The following ZEB1 variants were observed in gnomAD, a reference collection of about 807,000 sequenced individuals.
The protein encoded by ZEB1 is zinc finger E-box-binding homeobox 1.
In ZEB1, 21 loss-of-function variants were observed where a neutral mutation model predicts 84.9. The ratio of observed to expected loss-of-function variants is 0.25; its 90% CI spans 0.18 to 0.36. The LOEUF is 0.36. Ranked by LOEUF, ZEB1 falls within the 10% of genes least tolerant of loss-of-function variation. ZEB1 has a pLI of 1.00. For missense variants in ZEB1, 1,104 were observed against 1,330.2 expected (o/e 0.83, Z 2.65); for synonymous variants, 420 against 471.1 (o/e 0.89, Z 1.41).
intron 1 of ZEB1, chr10:31,363,058 G>C (rs776944122): frequency 3.3e-6 from 5 of 1,533,776 alleles, no homozygotes; most frequent in Non-Finnish European, 4.4e-6. Context: ...CAGCTGCAGC[G>C]GTGGCCCCGA....
At chr10:31,329,903 TTTA>T (rs1222417751) in intron 1 of ZEB1, among the ~76,000 whole-genome samples, 1 of 152,186 alleles carries the variant, frequency 6.6e-6, no homozygotes, top group Non-Finnish European at 1.5e-5. Context: ...TGTTTGTCTT[TTTA>T]TTATTCAGTT....
chr10:31,407,770 A>C (rs1214831651), intron 1 of ZEB1, among the ~76,000 whole-genome samples: 1 of 151,530 alleles, frequency 6.6e-6, no homozygotes, highest in African/African-American at 2.4e-5. Context: ...ATCTATGACA[A>C]ACCCACAGCC....
intron 1 of ZEB1, among the ~76,000 whole-genome samples, chr10:31,437,316 T>G (rs2058410166): frequency 6.6e-6 from 1 of 152,224 alleles, no homozygotes; most frequent in African/African-American, 2.4e-5. Flanking sequence ...GACTAGATAT[T>G]AAATGTCTTC....
chr10:31,465,846 A>G (rs1454726159), intron 2 of ZEB1, among the ~76,000 whole-genome samples: 1 of 152,032 alleles, frequency 6.6e-6, no homozygotes, highest in African/African-American at 2.4e-5. Context: ...CTTTAAATGC[A>G]TTTTTTAAAA....
chr10:31,455,985 T>C (rs2061168604), intron 1 of ZEB1, among the ~76,000 whole-genome samples: 1 of 152,154 alleles, frequency 6.6e-6, no homozygotes, highest in African/African-American at 2.4e-5. Context: ...CTATTTACAA[T>C]AGCAAAGACT....
intron 1 of ZEB1, among the ~76,000 whole-genome samples, chr10:31,371,073 A>G (rs947450495): frequency 2.0e-5 from 3 of 152,182 alleles, no homozygotes; most frequent in Admixed American, 6.5e-5. Context: ...TTATATAAAA[A>G]CACAAGTCAC....
chr10:31,436,819 A>G (rs747926604), intron 1 of ZEB1, among the ~76,000 whole-genome samples: 13 of 152,130 alleles, frequency 8.5e-5, no homozygotes, highest in Non-Finnish European at 1.8e-4. Context: ...ATTTTTATAT[A>G]TGGTATTAAA....
chr10:31,367,578 G>A (rs1466641528), intron 1 of ZEB1, among the ~76,000 whole-genome samples: 2 of 152,150 alleles, frequency 1.3e-5, no homozygotes, highest in African/African-American at 4.8e-5. Flanking sequence ...AGAAACTGTG[G>A]CAGATATAAA....
At chr10:31,331,192 T>G (rs143509491) in intron 1 of ZEB1, among the ~76,000 whole-genome samples, 3,120 of 149,702 alleles carry the variant, frequency 0.021, 112 homozygotes, top group African/African-American at 0.072. Flanking sequence ...GTTCAAGTGA[T>G]TCTCCTGCCT....
chr10:31,342,743 T>G (rs2039626165), intron 1 of ZEB1, among the ~76,000 whole-genome samples: 1 of 152,156 alleles, frequency 6.6e-6, no homozygotes, highest in African/African-American at 2.4e-5. Context: ...TCTGGTTTGC[T>G]GAAAAGACAG....
intron 1 of ZEB1, among the ~76,000 whole-genome samples, chr10:31,411,813 A>T (rs1165234882): frequency 6.6e-6 from 1 of 152,046 alleles, no homozygotes; most frequent in Non-Finnish European, 1.5e-5. Flanking sequence ...GCACAATCCA[A>T]CTAAAACCAA....
At chr10:31,525,892 T>C (rs1256604963) in intron 8 of ZEB1, among the ~76,000 whole-genome samples, 1 of 152,166 alleles carries the variant, frequency 6.6e-6, no homozygotes, top group Non-Finnish European at 1.5e-5. Context: ...TTAGCAAATA[T>C]CAAAGTGAAA....
At chr10:31,404,805 A>G (rs1590899737) in intron 1 of ZEB1, among the ~76,000 whole-genome samples, 1 of 152,098 alleles carries the variant, frequency 6.6e-6, no homozygotes, top group Non-Finnish European at 1.5e-5. Flanking sequence ...GGTGGCTAAG[A>G]TAGAGAAGGC....
At chr10:31,451,116 A>T (rs1040392620) in intron 1 of ZEB1, among the ~76,000 whole-genome samples, 1 of 152,164 alleles carries the variant, frequency 6.6e-6, no homozygotes, top group Non-Finnish European at 1.5e-5. Context: ...TTATTCTATG[A>T]TGTGTCTGTC....
At chr10:31,427,913 C>G (rs1332404796) in intron 1 of ZEB1, among the ~76,000 whole-genome samples, 1 of 150,626 alleles carries the variant, frequency 6.6e-6, no homozygotes, top group Non-Finnish European at 1.5e-5. Flanking sequence ...TCTGTGGGGT[C>G]AGTGGTAATA....
At chr10:31,493,768 G>A (rs938199176) in intron 2 of ZEB1, among the ~76,000 whole-genome samples, 1 of 151,908 alleles carries the variant, frequency 6.6e-6, no homozygotes, top group African/African-American at 2.4e-5. Flanking sequence ...CATGGTCTTA[G>A]TTGCTCAACC....
chr10:31,338,892 G>T (rs1391235354), intron 1 of ZEB1, among the ~76,000 whole-genome samples: 1 of 152,052 alleles, frequency 6.6e-6, no homozygotes, highest in Non-Finnish European at 1.5e-5. Flanking sequence ...CATAAATGAT[G>T]TATAAATCAT....
intron 2 of ZEB1, among the ~76,000 whole-genome samples, chr10:31,474,655 A>T (rs1362287868): frequency 2.6e-5 from 4 of 152,216 alleles, no homozygotes; most frequent in African/African-American, 9.7e-5. Context: ...CAGTGCGGCG[A>T]TTCCTCAGGG....
chr10:31,397,108 C>T (rs1379723728), intron 1 of ZEB1, among the ~76,000 whole-genome samples: 6 of 148,050 alleles, frequency 4.1e-5, no homozygotes, highest in South Asian at 2.1e-4. Flanking sequence ...CTCCACCTCC[C>T]GGGTTCAAGC....
Sources: allele counts gnomAD v4.1 joint callset (sites outside exome capture counted in the v4.1 genomes callset), GRCh38; gene constraint gnomAD v4.1.1; transcripts MANE v1.5; gene names NCBI Gene and HGNC (gene_info 2026-07-23, HGNC 2026-07-21).